DGKB: variants seen among roughly 807,000 people sequenced by gnomAD.
DGKB encodes the protein 90 kDa diacylglycerol kinase.
A neutral mutation model predicts 114.3 loss-of-function variants in DGKB; 67 were observed. The observed-to-expected ratio is 0.59, with a 90% CI of 0.48 to 0.72. The LOEUF (loss-of-function observed/expected upper bound fraction) is 0.72, where lower values mean the gene tolerates loss of function less well. DGKB is among the 30% of genes least tolerant of loss of function. The pLI, the probability that DGKB is intolerant of heterozygous loss-of-function variation, is 0.00. For missense variants in DGKB, 907 were observed against 975.2 expected, an observed-to-expected ratio of 0.93 and a Z score of 0.93; for synonymous variants, 398 against 323.1, an observed-to-expected ratio of 1.23 and a Z score of -2.49.
chr7:14,279,687 G>C (rs1799614488), intron 23 of DGKB, among the ~76,000 whole-genome samples: 1 of 152,018 alleles, frequency 6.6e-6, no homozygotes, highest in African/African-American at 2.4e-5. Context: ...GCCTCCTCAA[G>C]TGGGTCCCTC....
chr7:14,185,754 CAT>C (rs1224283742), intron 23 of DGKB, among the ~76,000 whole-genome samples: 1 of 152,086 alleles, frequency 6.6e-6, no homozygotes, highest in African/African-American at 2.4e-5. Flanking sequence ...CAAACAAAAA[CAT>C]AAAGTGGGGG....
At chr7:14,631,263 C>CAAAA (rs35088925) in intron 13 of DGKB, among the ~76,000 whole-genome samples, 23 of 98,346 alleles carry the variant, frequency 2.3e-4, no homozygotes, top group Non-Finnish European at 3.2e-4. Context: ...CAGCAAGAAC[C>CAAAA]AAAAAAAAAA....
At chr7:14,304,966 TAAA>T (rs35774382) in intron 23 of DGKB, among the ~76,000 whole-genome samples, 7,158 of 152,202 alleles carry the variant, frequency 0.047, 216 homozygotes, top group East Asian at 0.12. Context: ...ACATATCTCA[TAAA>T]GACACCATTT....
intron 5 of DGKB, among the ~76,000 whole-genome samples, chr7:14,733,425 G>A (rs1222757773): frequency 6.6e-6 from 1 of 152,150 alleles, no homozygotes; most frequent in Non-Finnish European, 1.5e-5. Flanking sequence ...CATGGCTCAT[G>A]CCTGTAATCT....
chr7:14,945,707 T>C (rs897013159), intron 1 of DGKB, among the ~76,000 whole-genome samples: 9 of 151,484 alleles, frequency 5.9e-5, no homozygotes, highest in African/African-American at 2.2e-4. Context: ...TTAATAGAAA[T>C]ATAACTTTTT....
chr7:14,398,209 G>T (rs1401712351), intron 21 of DGKB, among the ~76,000 whole-genome samples: 6 of 152,016 alleles, frequency 3.9e-5, no homozygotes, highest in African/African-American at 1.4e-4. Flanking sequence ...GAAAAATGAA[G>T]AAATGCCAAG....
intron 8 of DGKB, among the ~76,000 whole-genome samples, chr7:14,695,889 T>C (rs1180805699): frequency 6.6e-6 from 1 of 152,078 alleles, no homozygotes; most frequent in Non-Finnish European, 1.5e-5. Context: ...ACTGAAGCCT[T>C]AGGCAAGATG....
intron 4 of DGKB, among the ~76,000 whole-genome samples, chr7:14,738,320 G>C (rs1832051139): frequency 6.6e-6 from 1 of 152,206 alleles, no homozygotes; most frequent in Non-Finnish European, 1.5e-5. Context: ...GTTACTTATG[G>C]TAGCGCTTCC....
chr7:14,514,512 T>C (rs1376333804), intron 20 of DGKB, among the ~76,000 whole-genome samples: 5 of 152,190 alleles, frequency 3.3e-5, no homozygotes, highest in Non-Finnish European at 2.9e-5. Flanking sequence ...TAACTGCAAA[T>C]AATTGTTTAT....
intron 1 of DGKB, among the ~76,000 whole-genome samples, chr7:14,929,809 A>G (rs1184417078): frequency 1.3e-5 from 2 of 152,044 alleles, no homozygotes; most frequent in Non-Finnish European, 2.9e-5. Flanking sequence ...ACTAATGTCC[A>G]GAAAAATTTT....
At chr7:14,204,435 G>A (rs1190959988) in intron 23 of DGKB, among the ~76,000 whole-genome samples, 3 of 151,960 alleles carry the variant, frequency 2.0e-5, no homozygotes, top group Admixed American at 6.6e-5. Flanking sequence ...GTTAATCTGA[G>A]CAAGAAAATG....
intron 6 of DGKB, among the ~76,000 whole-genome samples, chr7:14,711,451 C>T (rs912874409): frequency 2.6e-5 from 4 of 151,972 alleles, no homozygotes; most frequent in African/African-American, 4.8e-5. Flanking sequence ...CTAGGTAATG[C>T]AAAACATGAA....
intron 20 of DGKB, among the ~76,000 whole-genome samples, chr7:14,486,098 T>C (rs1394046249): frequency 6.6e-6 from 1 of 152,152 alleles, no homozygotes; most frequent in African/African-American, 2.4e-5. Context: ...AAGTTGGACA[T>C]GGTCATATCA....
intron 21 of DGKB, among the ~76,000 whole-genome samples, chr7:14,462,373 A>C (rs975964451): frequency 6.6e-5 from 10 of 152,200 alleles, no homozygotes; most frequent in African/African-American, 2.2e-4. Flanking sequence ...TCTCAGCCCC[A>C]AATCTCCTTA....
intron 20 of DGKB, among the ~76,000 whole-genome samples, chr7:14,499,016 C>T (rs1785718133): frequency 6.6e-6 from 1 of 151,464 alleles, no homozygotes; most frequent in Admixed American, 6.6e-5. Context: ...GAAGTTTAGT[C>T]CTCTGAATTA....
In DGKB at chr7:14,539,085, T is replaced by C. The variant is rs1038877987; in HGVS notation, c.1770+35127A>G. ...ACAAAATTGAGCACTATGGTGCTCA[T>C]AGTTAATAATAAATTACTCACACTT... On this transcript the variant is annotated intron_variant, in intron 20 of 25. Transcript: ENST00000402815. Among the ~76,000 whole-genome samples the C allele has an allele frequency of 3.3e-5, 5 of 152,288 alleles. No homozygotes were observed. In the East Asian group the frequency reaches 9.7e-4, roughly 29 times the overall value.
chr7:14,267,560 C>T (rs1261301080), intron 23 of DGKB, among the ~76,000 whole-genome samples: 1 of 151,438 alleles, frequency 6.6e-6, no homozygotes, highest in African/African-American at 2.4e-5. Flanking sequence ...GCCATCTCGG[C>T]TCACTGCAAG....
At chr7:14,655,252 A>G (rs949626254) in intron 13 of DGKB, among the ~76,000 whole-genome samples, 1 of 151,818 alleles carries the variant, frequency 6.6e-6, no homozygotes, top group African/African-American at 2.4e-5. Flanking sequence ...TTCTCAGAAG[A>G]AGAAATACAA....
chr7:14,501,522 C>A (rs890213254), intron 20 of DGKB, among the ~76,000 whole-genome samples: 1 of 151,842 alleles, frequency 6.6e-6, no homozygotes, highest in South Asian at 2.1e-4. Flanking sequence ...GGTGGAGAAA[C>A]TTGCTTAATG....
Sources: allele counts gnomAD v4.1 joint callset (sites outside exome capture counted in the v4.1 genomes callset), GRCh38; gene constraint gnomAD v4.1.1; transcripts MANE v1.5; gene names NCBI Gene and HGNC (gene_info 2026-07-23, HGNC 2026-07-21).